PDZRN4: variants seen among roughly 807,000 people sequenced by gnomAD.
PDZRN4 encodes PDZ domain-containing RING finger protein 4.
PDZRN4 carries 70 observed loss-of-function variants against 99.0 expected under a neutral mutation model. The observed-to-expected ratio is 0.71, with a 90% CI of 0.58 to 0.86. The LOEUF is 0.86. PDZRN4 is among the 40% of genes least tolerant of loss of function. The pLI is 0.00. For synonymous variants in PDZRN4, 551 were observed against 501.6 expected (o/e 1.10, Z -1.32); for missense variants, 1,474 against 1,331.2 (o/e 1.11, Z -1.67).
At chr12:41,207,493 TG>T (rs1566360055) in intron 3 of PDZRN4, among the ~76,000 whole-genome samples, 1 of 151,812 alleles carries the variant, frequency 6.6e-6, no homozygotes, top group East Asian at 1.9e-4. Context: ...TCTTATAATG[TG>T]GGGTCATGAA....
rs760511925 is a variant in PDZRN4 at position 41,485,237 on chromosome 12, G to A, written c.844-21219G>A. On this transcript the variant is annotated intron_variant, in intron 3 of 9. Transcript: ENST00000402685. Reference sequence around the variant, plus strand: ...AGGACTTTCAGGCACTGTGGCAGAGGAGGTCATTGAGCGAACAAGAAGAAG... The same window carrying A: ...AGGACTTTCAGGCACTGTGGCAGAGAAGGTCATTGAGCGAACAAGAAGAAG... 2.0e-5 allele frequency among the ~76,000 whole-genome samples: 3 copies of A among 152,160 alleles called. No individual in the cohort carries two copies. In the South Asian group the frequency reaches 6.2e-4, roughly 32 times the overall value.
intron 3 of PDZRN4, among the ~76,000 whole-genome samples, chr12:41,398,188 C>T (rs927058680): frequency 2.0e-5 from 3 of 152,144 alleles, no homozygotes; most frequent in Admixed American, 1.3e-4. Flanking sequence ...TTGCAGACCC[C>T]GTGTCCTCTT....
chr12:41,431,512 CA>C (rs1253054269), intron 3 of PDZRN4, among the ~76,000 whole-genome samples: 1 of 152,200 alleles, frequency 6.6e-6, no homozygotes, highest in Non-Finnish European at 1.5e-5. Context: ...GAATCTTCCT[CA>C]GGTCTGTTAC....
chr12:41,391,825 G>T lies in PDZRN4; in HGVS notation c.844-114631G>T, dbSNP rs149492578. Among the ~76,000 whole-genome samples the T allele has an allele frequency of 6.0e-3, 906 of 152,268 alleles. 10 individuals are homozygous for T. Among genetic ancestry groups the T allele is most frequent in the African/African-American group, 0.021 (864 of 41,554 alleles). On this transcript the variant is annotated intron_variant, in intron 3 of 9. Coordinates refer to ENST00000402685, the MANE Select transcript of PDZRN4 (RefSeq NM_001164595.2). Reference sequence around the variant, plus strand: ...AGCTGACTTTAGCGAAGAAGTGCATGATTGGTGAGTCAGTTCTAATTGAAT... The same window carrying T: ...AGCTGACTTTAGCGAAGAAGTGCATTATTGGTGAGTCAGTTCTAATTGAAT...
chr12:41,302,125 CAT>C (rs145696135), intron 3 of PDZRN4, among the ~76,000 whole-genome samples: 1,684 of 152,076 alleles, frequency 0.011, 18 homozygotes, highest in Non-Finnish European at 0.015. Flanking sequence ...TGCATACACA[CAT>C]GTGTGTATAT....
intron 3 of PDZRN4, among the ~76,000 whole-genome samples, chr12:41,387,055 C>T (rs1952175106): frequency 6.6e-6 from 1 of 152,046 alleles, no homozygotes; most frequent in African/African-American, 2.4e-5. Context: ...CAGACATAGG[C>T]ACGAGCAATG....
At position 41,573,591 on chromosome 12, in the gene PDZRN4, G is replaced by C. The variant is rs1939523594; in HGVS notation, c.2812G>C (p.Gly938Arg). 6.2e-7 allele frequency: 1 copy of C among 1,613,274 alleles called. No individual in the cohort carries two copies. Among genetic ancestry groups the C allele is most frequent in the Non-Finnish European group, 8.5e-7 (1 of 1,179,812 alleles). Residue 938 changes from glycine (G) to arginine (R), a missense_variant, in exon 10 of 10, where the codon GGG (glycine) becomes CGG (arginine). By Grantham distance (125) the Gly-to-Arg change is moderately radical (BLOSUM62 -2). Transcript: ENST00000402685. ...TGACACCATGAGCGAGATGAAAATGGGGCGCTACTGGAGCAAAGAGGAGAG... is the reference window on the plus strand; with the variant it reads ...TGACACCATGAGCGAGATGAAAATGCGGCGCTACTGGAGCAAAGAGGAGAG... The part of the protein sequence containing the change: ...DDDTMSEMKM[G>R]RYWSKEERKQ...
At chr12:41,505,746 G>A (rs949220991) in intron 3 of PDZRN4, among the ~76,000 whole-genome samples, 1 of 150,236 alleles carries the variant, frequency 6.7e-6, no homozygotes, top group Non-Finnish European at 1.5e-5. Context: ...ATTAAAACAA[G>A]TGAGTATCTA....
chr12:41,516,914 T>C (rs1274786891), intron 5 of PDZRN4, among the ~76,000 whole-genome samples: 4 of 152,028 alleles, frequency 2.6e-5, no homozygotes, highest in African/African-American at 9.7e-5. Flanking sequence ...ATTTCTTAAA[T>C]TGAATACTTA....
intron 3 of PDZRN4, chr12:41,473,578 CA>C (rs1953013180): frequency 6.6e-6 from 1 of 152,200 alleles, no homozygotes; most frequent in Non-Finnish European, 1.5e-5. Flanking sequence ...CCATGGGCCC[CA>C]TGGAAACTGC....
chr12:41,536,029 T>C (rs888752272), intron 5 of PDZRN4, among the ~76,000 whole-genome samples: 5 of 152,220 alleles, frequency 3.3e-5, no homozygotes, highest in African/African-American at 1.2e-4. Context: ...AGCTTCATTC[T>C]CGTGGTCTCC....
At chr12:41,251,376 G>T in intron 3 of PDZRN4, among the ~76,000 whole-genome samples, 1 of 151,996 alleles carries the variant, frequency 6.6e-6, no homozygotes, top group East Asian at 1.9e-4. Flanking sequence ...CTTAAAATTT[G>T]TAAACTGCTT....
At chr12:41,349,982 T>A (rs1055370591) in intron 3 of PDZRN4, among the ~76,000 whole-genome samples, 2 of 151,622 alleles carry the variant, frequency 1.3e-5, no homozygotes, top group Admixed American at 1.3e-4. Context: ...GCAACACAAT[T>A]AAAAAAAATG....
intron 3 of PDZRN4, chr12:41,437,892 C>A: frequency 1.2e-6 from 2 of 1,613,650 alleles, no homozygotes; most frequent in Non-Finnish European, 1.7e-6. Context: ...AGTTCACTTG[C>A]CTTTCAGTTC....
At chr12:41,552,775 G>A (rs1351497847) in intron 6 of PDZRN4, 21 bp downstream of exon 6, 2 of 1,563,486 alleles carry the variant, frequency 1.3e-6, no homozygotes, top group Admixed American at 1.7e-5. Context: ...CCATGGAGGG[G>A]AAATTCGAGG....
rs542959704 is a variant in PDZRN4 at position 41,405,399 on chromosome 12, G to A, written c.844-101057G>A. 2.0e-4 allele frequency among the ~76,000 whole-genome samples: 30 copies of A among 152,156 alleles called. No homozygotes were observed. In the South Asian group the frequency reaches 2.3e-3, roughly 12 times the overall value. On this transcript the variant is annotated intron_variant, in intron 3 of 9. Transcript: ENST00000402685. ...ATGCAAATCAAAACCACAATGAGAT[G>A]CCATCTCACTCCAGTCAGAATGGTT...
At chr12:41,440,230 C>A (rs1952666856) in intron 3 of PDZRN4, among the ~76,000 whole-genome samples, 1 of 152,134 alleles carries the variant, frequency 6.6e-6, no homozygotes, top group Non-Finnish European at 1.5e-5. Flanking sequence ...TTGTAATTCT[C>A]AGATCATTTG....
At chr12:41,272,059 ATT>A (rs35359476) in intron 3 of PDZRN4, among the ~76,000 whole-genome samples, 6,235 of 150,488 alleles carry the variant, frequency 0.041, 438 homozygotes, top group African/African-American at 0.14. Context: ...CAAATAGAGT[ATT>A]TTTTTTTTTG....
intron 5 of PDZRN4, among the ~76,000 whole-genome samples, chr12:41,532,968 C>A (rs533405808): frequency 6.6e-6 from 1 of 152,020 alleles, no homozygotes; most frequent in African/African-American, 2.4e-5. Flanking sequence ...TATAACTATA[C>A]ATTAGATCAA....
Sources: gnomAD v4.1 joint callset for allele counts (sites outside exome capture counted in the v4.1 genomes callset) on GRCh38, gnomAD v4.1.1 for gene constraint, MANE v1.5 for transcripts, NCBI Gene and HGNC (gene_info 2026-07-23, HGNC 2026-07-21) for gene names.